PTPRM: variants seen among roughly 807,000 people sequenced by gnomAD.
PTPRM encodes the protein protein tyrosine phosphatase receptor type M.
PTPRM carries 47 observed loss-of-function variants against 186.7 expected under a neutral mutation model. The observed-to-expected ratio is 0.25, with a 90% confidence interval of 0.20 to 0.32. The LOEUF (loss-of-function observed/expected upper bound fraction) is 0.32. PTPRM is among the 10% of genes least tolerant of loss of function. PTPRM has a pLI of 1.00. For missense variants in PTPRM, 1,494 were observed against 1,865.0 expected (o/e 0.80, Z 3.66); for synonymous variants, 668 against 674.9 (o/e 0.99, Z 0.16).
intron 17 of PTPRM, among the ~76,000 whole-genome samples, chr18:8,249,269 A>T (rs748114782): frequency 4.6e-5 from 7 of 152,126 alleles, no homozygotes; most frequent in Non-Finnish European, 1.0e-4. Flanking sequence ...TATTTTCCTA[A>T]TGGTGTTCTG....
chr18:8,380,377 G>T lies in PTPRM; in HGVS notation c.3868G>T (p.Asp1290Tyr). ...GAAAGACTTTTGGAGACTGGTCCTGGATTATCACTGCACATCCGTAGTTAT... is the reference window on the plus strand; with the variant it reads ...GAAAGACTTTTGGAGACTGGTCCTGTATTATCACTGCACATCCGTAGTTAT... ...TVKDFWRLVLDYHCTSVVMLN... is the reference protein window; with the variant it reads ...TVKDFWRLVLYYHCTSVVMLN... Residue 1290 changes from aspartate (D) to tyrosine (Y), a missense_variant, in exon 29 of 33, where the codon GAT becomes TAT. This residue lies in a region of PTPRM where 1,107 missense variants were observed against 1,350.2 expected (regional missense o/e 0.82). Coordinates refer to ENST00000580170, the MANE Select transcript of PTPRM (RefSeq NM_001105244.2). The T allele has an allele frequency of 6.2e-7, 1 of 1,614,200 alleles. No homozygotes were observed. The highest frequency in any genetic ancestry group is 8.5e-7 in the Non-Finnish European group (1 of 1,180,030).
intron 23 of PTPRM, among the ~76,000 whole-genome samples, chr18:8,362,714 T>C (rs1006361388): frequency 1.3e-5 from 2 of 152,236 alleles, no homozygotes; most frequent in African/African-American, 4.8e-5. Flanking sequence ...GGAATTAGCA[T>C]ACTTCTGACT....
At chr18:8,107,806 C>A (rs965254631) in intron 11 of PTPRM, among the ~76,000 whole-genome samples, 5 of 152,180 alleles carry the variant, frequency 3.3e-5, no homozygotes, top group African/African-American at 1.2e-4. Flanking sequence ...AACTAATTAC[C>A]ATTTATCATT....
chr18:8,330,551 C>T (rs2095406581), intron 22 of PTPRM, among the ~76,000 whole-genome samples: 1 of 152,188 alleles, frequency 6.6e-6, no homozygotes, highest in African/African-American at 2.4e-5. Context: ...GCAGTAGCCC[C>T]TGAAGCATAT....
chr18:8,206,515 T>G (rs1472984305), intron 14 of PTPRM, among the ~76,000 whole-genome samples: 1 of 152,176 alleles, frequency 6.6e-6, no homozygotes, highest in Non-Finnish European at 1.5e-5. Flanking sequence ...CCCAAAGTGC[T>G]GGGATTACAG....
intron 2 of PTPRM, among the ~76,000 whole-genome samples, chr18:7,776,163 C>A (rs2042569598): frequency 6.6e-6 from 1 of 152,212 alleles, no homozygotes; most frequent in South Asian, 2.1e-4. Context: ...ATTTATTCTT[C>A]TATTGATTAA....
intron 1 of PTPRM, among the ~76,000 whole-genome samples, chr18:7,593,943 A>G (rs1469239017): frequency 1.3e-5 from 2 of 152,152 alleles, no homozygotes; most frequent in Non-Finnish European, 2.9e-5. Flanking sequence ...GGTAAATGGT[A>G]GAGCTGGGAT....
intron 19 of PTPRM, among the ~76,000 whole-genome samples, chr18:8,264,493 G>C (rs545838995): frequency 2.6e-5 from 4 of 152,040 alleles, no homozygotes; most frequent in African/African-American, 9.7e-5. Context: ...ACACCAGGCC[G>C]GGCGTGGTGG....
Position 7,774,212 on chromosome 18 carries a change from T to C in PTPRM, c.137T>C (p.Phe46Ser), listed in dbSNP as rs900625461. 6.2e-7 allele frequency: 1 copy of C among 1,613,944 alleles called. No homozygotes were observed. The highest frequency in any genetic ancestry group is 8.5e-7 in the Non-Finnish European group (1 of 1,179,802). ...CGYSQSEGDD[F>S]NWEQVNTLTK... ...TATAGTCAATCTGAAGGTGATGACT[T>C]CAATTGGGAGCAAGTGAACACCTTG... Residue 46 changes from phenylalanine (F) to serine (S), a missense_variant, in exon 2 of 33, where the codon TTC becomes TCC. Phe to Ser is a radical substitution (Grantham distance 155, BLOSUM62 -2). Transcript: ENST00000580170.
chr18:8,392,168 A>G (rs1306919845), intron 31 of PTPRM, among the ~76,000 whole-genome samples: 1 of 152,142 alleles, frequency 6.6e-6, no homozygotes, highest in Admixed American at 6.5e-5. Context: ...TGGATTTTTT[A>G]AAAAGCATCT....
chr18:8,176,956 C>G (rs765082136), intron 14 of PTPRM, among the ~76,000 whole-genome samples: 1 of 152,204 alleles, frequency 6.6e-6, no homozygotes, highest in Non-Finnish European at 1.5e-5. Context: ...TGCTTCTTTT[C>G]TATCTTGTCT....
At chr18:8,352,653 G>GTTTTTTTTTTTTTTTT (rs1355276752) in intron 23 of PTPRM, among the ~76,000 whole-genome samples, 3 of 121,340 alleles carry the variant, frequency 2.5e-5, no homozygotes, top group Admixed American at 8.2e-5. Context: ...TTTTGGTTTG[G>GTTTTTTTTTTTTTTTT]TTTTTTTTGT....
chr18:7,915,215 G>A (rs886077780), intron 4 of PTPRM, among the ~76,000 whole-genome samples: 1 of 152,100 alleles, frequency 6.6e-6, no homozygotes, highest in African/African-American at 2.4e-5. Flanking sequence ...TGAGAGGATA[G>A]GAGGGTTGTA....
rs898724935 is a variant in PTPRM at position 7,568,326 on chromosome 18, A to G, written c.73+435A>G. ...CCGACCCCGAGCAGCGGCCGGGCCC[A>G]GGCCGCTGGTGTTCGGCTGCGCCCG... On this transcript the variant is annotated intron_variant, in intron 1 of 32. Transcript: ENST00000580170. This position sits in a 1 kb window ranked among gnomAD's most constrained non-coding sequence, Gnocchi z 5.1. 1.3e-5 allele frequency among the ~76,000 whole-genome samples: 2 copies of G among 151,818 alleles called. No homozygotes were observed. The highest frequency in any genetic ancestry group is 3.9e-4 in the East Asian group (2 of 5,110).
chr18:8,273,544 G>C (rs905378875), intron 19 of PTPRM, among the ~76,000 whole-genome samples: 1 of 152,128 alleles, frequency 6.6e-6, no homozygotes, highest in Non-Finnish European at 1.5e-5. Context: ...CCAGGTCCAT[G>C]CATCTTCCTC....
At chr18:8,202,154 G>A (rs2093866858) in intron 14 of PTPRM, among the ~76,000 whole-genome samples, 1 of 152,136 alleles carries the variant, frequency 6.6e-6, no homozygotes, top group African/African-American at 2.4e-5. Flanking sequence ...CATGTCTTCA[G>A]ACTCACAGAG....
chr18:8,317,725 AC>A (rs1476355381), intron 21 of PTPRM, among the ~76,000 whole-genome samples: 12 of 152,120 alleles, frequency 7.9e-5, no homozygotes, highest in Non-Finnish European at 1.8e-4. Context: ...GATTGATTAT[AC>A]TCATGCTGCC....
At chr18:7,945,314 A>C (rs78462262) in intron 5 of PTPRM, among the ~76,000 whole-genome samples, 1 of 131,584 alleles carries the variant, frequency 7.6e-6, no homozygotes, top group Admixed American at 7.6e-5. Flanking sequence ...AAAAAAAAAA[A>C]TTATCCAGGC....
At chr18:8,176,982 T>G (rs576187569) in intron 14 of PTPRM, among the ~76,000 whole-genome samples, 1 of 152,342 alleles carries the variant, frequency 6.6e-6, no homozygotes, top group African/African-American at 2.4e-5. Context: ...CCCTCCTTTT[T>G]TCTGCCCTTT....
Sources: allele counts gnomAD v4.1 joint callset (sites outside exome capture counted in the v4.1 genomes callset), GRCh38; gene constraint gnomAD v4.1.1; regional missense constraint gnomAD v4.1.1; non-coding constraint Gnocchi (gnomAD v3.1); transcripts MANE v1.5; gene names NCBI Gene and HGNC (gene_info 2026-07-23, HGNC 2026-07-21).